The following PEX2 variants were observed in gnomAD, a reference collection of about 807,000 sequenced individuals.
The protein encoded by PEX2 is peroxisomal biogenesis factor 2.
In PEX2, 19 loss-of-function variants were observed where a neutral mutation model predicts 25.2. The ratio of observed to expected loss-of-function variants is 0.75; its 90% CI spans 0.53 to 1.10. The LOEUF (loss-of-function observed/expected upper bound fraction) is 1.10, where lower values mean the gene tolerates loss of function less well. Ranked by LOEUF, PEX2 falls within the 50% of genes least tolerant of loss-of-function variation. The pLI, the probability that PEX2 is intolerant of heterozygous loss-of-function variation, is 0.00. For missense variants in PEX2, 347 were observed against 350.6 expected (o/e 0.99, Z 0.08); for synonymous variants, 141 against 127.7 (o/e 1.10, Z -0.70).
At chr8:76,985,165 C>G (rs1319519705) in intron 3 of PEX2, among the ~76,000 whole-genome samples, 1 of 77,250 alleles carries the variant, frequency 1.3e-5, no homozygotes, top group Non-Finnish European at 2.6e-5. Flanking sequence ...ACTGGCAAAT[C>G]CACCCATGAC....
Position 76,981,822 on chromosome 8 carries a change from A to C in PEX2, c.*1439T>G, listed in dbSNP as rs1563604577. ...TTTTAAAATTACAGAAGGCAAAAGA[A>C]GGCAAATTCTTAAGATGTAAAATAC... On this transcript the variant is annotated 3_prime_UTR_variant, in exon 4 of 4. Transcript: ENST00000357039. 6.6e-6 allele frequency: 1 copy of C among 152,232 alleles called. No homozygotes were observed. Among genetic ancestry groups the C allele is most frequent in the Non-Finnish European group, 1.5e-5 (1 of 68,044 alleles). The allele number at this position is 152,232 out of a possible 1,614,324, so 9.4% of individuals were successfully genotyped here. A position where few individuals can be genotyped will look rare whatever the true frequency, so the allele number is the denominator to read the frequency against.
rs146354196 is a variant in PEX2, at chr8:76,983,910, G to A, written c.269C>T (p.Ser90Phe). ...GGGTGGCTGATATCTCAGGTTAGGGGAAAAATCATTTTTGTACTTAATATT... is the reference window on the plus strand; with the variant it reads ...GGGTGGCTGATATCTCAGGTTAGGGAAAAAATCATTTTTGTACTTAATATT... ...VLNIKYKNDF[S>F]PNLRYQPPSK... is the part of the protein sequence containing the mutation. Residue 90 changes from serine to phenylalanine, a missense_variant, in exon 4 of 4, where the codon TCC (serine) becomes TTC (phenylalanine). By Grantham distance (155) the Ser-to-Phe change is radical. Transcript: ENST00000357039. 1.2e-4 allele frequency: 193 copies of A among 1,614,108 alleles called. 1 individual carries two copies. In the African/African-American group the frequency reaches 2.3e-3, roughly 19 times the overall value.
At chr8:76,996,393 A>G (rs1250161745) in intron 1 of PEX2, among the ~76,000 whole-genome samples, 1 of 152,222 alleles carries the variant, frequency 6.6e-6, no homozygotes, top group East Asian at 1.9e-4. Context: ...CCAGCGTCCT[A>G]TACTGACAAC....
chr8:76,997,372 C>G (rs1309765558), intron 1 of PEX2, among the ~76,000 whole-genome samples: 1 of 152,228 alleles, frequency 6.6e-6, no homozygotes, highest in Non-Finnish European at 1.5e-5. Flanking sequence ...AGTTCAAGAC[C>G]AGTCTGGCCA....
chr8:76,997,800 A>C (rs1043793461), intron 1 of PEX2, among the ~76,000 whole-genome samples: 2 of 152,246 alleles, frequency 1.3e-5, no homozygotes, highest in African/African-American at 2.4e-5. Flanking sequence ...GTTAGGAAGA[A>C]GTCTAATATC....
intron 1 of PEX2, among the ~76,000 whole-genome samples, chr8:76,991,869 AGT>A (rs1807179693): frequency 6.6e-6 from 1 of 152,218 alleles, no homozygotes; most frequent in South Asian, 2.1e-4. Context: ...GCCATAAAGC[AGT>A]ATTATTTATT....
chr8:76,983,581 A>T lies in PEX2; in HGVS notation c.598T>A (p.Phe200Ile). 1 of 1,614,128 alleles carries T rather than the reference A, an allele frequency of 6.2e-7. No individual in the cohort carries two copies. Among genetic ancestry groups the T allele is most frequent in the Non-Finnish European group, 8.5e-7 (1 of 1,180,018 alleles). ...AAGAGAAAAATCAGAAATTCAGCAA[A>T]ACCATGCCAGAGAAGTTCCCTATTC... Reference protein sequence around the residue: ...YMNRELLWHGFAEFLIFLLPL... With the variant: ...YMNRELLWHGIAEFLIFLLPL... Residue 200 changes from phenylalanine (F) to isoleucine (I), a missense_variant, in exon 4 of 4, where the codon TTT becomes ATT. By Grantham distance (21) the Phe-to-Ile change is conservative. Coordinates refer to ENST00000357039, the MANE Select transcript of PEX2 (RefSeq NM_000318.3).
rs751219355 is a variant in PEX2 at position 76,983,427 on chromosome 8, G to A, written c.752C>T (p.Pro251Leu). The change falls in exon 4 of 4, where the codon CCC (proline) becomes CTC (leucine). Residue 251 changes from proline (P) to leucine (L), a missense_variant. By Grantham distance (98) the Pro-to-Leu change is moderately conservative. Transcript: ENST00000357039. ...ACATCCTATGGTGTGAGGCATGGTG[G>A]GCCACTCTCCACATAGAGCGCATTC... is the stretch of plus-strand genomic sequence containing the variant. The part of the protein sequence containing the change: ...GKECALCGEW[P>L]TMPHTIGCEH... 1.5e-5 allele frequency: 25 copies of A among 1,614,056 alleles called. No individual in the cohort carries two copies. The highest frequency in any genetic ancestry group is 2.0e-5 in the Non-Finnish European group (24 of 1,180,014).
chr8:76,995,715 A>C, intron 1 of PEX2, among the ~76,000 whole-genome samples: 1 of 152,222 alleles, frequency 6.6e-6, no homozygotes, highest in East Asian at 1.9e-4. Flanking sequence ...CATGGCACTC[A>C]TATTTTTTTC....
At chr8:76,999,921 A>G (rs1348304317) in intron 1 of PEX2, 69 bp downstream of exon 1, 1 of 456,412 alleles carries the variant, frequency 2.2e-6, no homozygotes, top group Non-Finnish European at 4.4e-6. Context: ...AGGTCGTGAA[A>G]CTCCACGACC....
chr8:76,987,800 T>C (rs1372838844), intron 2 of PEX2: 1 of 152,096 alleles, frequency 6.6e-6, no homozygotes, highest in Non-Finnish European at 1.5e-5. Context: ...ACTTAAGTAA[T>C]TGAGTGATAG....
chr8:76,994,403 A>C (rs1807261458), intron 1 of PEX2, among the ~76,000 whole-genome samples: 1 of 152,188 alleles, frequency 6.6e-6, no homozygotes, highest in Admixed American at 6.5e-5. Context: ...ATCAATAATA[A>C]TGTGGGTATT....
chr8:76,983,229 A>G lies in PEX2; in HGVS notation c.*32T>C, dbSNP rs775359513. 3.1e-6 allele frequency: 5 copies of G among 1,606,176 alleles called. No homozygotes were observed. In the East Asian group the frequency reaches 8.9e-5, roughly 29 times the overall value. On this transcript the variant is annotated 3_prime_UTR_variant, in exon 4 of 4. Transcript: ENST00000357039. ...AATATTAAGAATTTAAACACGGTGC[A>G]TTTTTTTCCTCAAAGGAAGCAATTT...
rs2132045054 is a variant in PEX2 at position 76,984,161 on chromosome 8, C to T, written c.18G>A (p.Glu6=). The part of the protein sequence containing the change: MASRK[E]NAKSANRVLR... ...GCACTCTGTTTGCACTCTTCGCATT[C>T]TCTTTTCTGGAAGCCATGTCTTCTC... The change falls in exon 4 of 4, where the codon GAG becomes GAA. Residue 6 remains glutamate, a synonymous_variant. Coordinates refer to ENST00000357039, the MANE Select transcript of PEX2 (RefSeq NM_000318.3). The T allele has an allele frequency of 6.2e-7, 1 of 1,614,150 alleles. No homozygotes were observed. The highest frequency in any genetic ancestry group is 8.5e-7 in the Non-Finnish European group (1 of 1,180,020).
rs771377186 is a variant in PEX2, at chr8:76,983,984, C to A, written c.195G>T (p.Trp65Cys). ...CATTTTTGGAGTAGATGGTGAATCT[C>A]CACAAGAAAACCCATAAGCACGCTT... ...EVKACLWVFL[W>C]RFTIYSKNAT... The change falls in exon 4 of 4, where the codon TGG becomes TGT. Residue 65 changes from tryptophan to cysteine, a missense_variant. Coordinates refer to ENST00000357039, the MANE Select transcript of PEX2 (RefSeq NM_000318.3). 1 of 1,613,996 alleles carries A rather than the reference C, an allele frequency of 6.2e-7. No individual in the cohort carries two copies. Among genetic ancestry groups the A allele is most frequent in the African/African-American group, 1.3e-5 (1 of 74,908 alleles).
At chr8:77,000,136 A>T (rs545258753), upstream of PEX2, 1 of 286,816 alleles carries the variant, frequency 3.5e-6, no homozygotes, top group Non-Finnish European at 7.0e-6. Flanking sequence ...GAAGTGGCTG[A>T]AAAAAAAAAG....
upstream of PEX2, chr8:77,000,258 G>A (rs141186651): frequency 2.8e-4 from 84 of 304,436 alleles, 1 homozygote; most frequent in African/African-American, 1.8e-3. Context: ...AAAAGCCGAA[G>A]CGGACACCCG....
Position 76,983,081 on chromosome 8 carries a change from A to C in PEX2, c.*180T>G. 7.1e-7 allele frequency: 1 copy of C among 1,411,000 alleles called. No individual in the cohort carries two copies. Among genetic ancestry groups the C allele is most frequent in the Non-Finnish European group, 9.3e-7 (1 of 1,074,298 alleles). 87.4% of individuals were successfully genotyped at this position (1,411,000 alleles called of 1,614,324 possible). A position where few individuals can be genotyped will look rare whatever the true frequency, so the allele number is the denominator to read the frequency against. Reference sequence around the variant, plus strand: ...AAAAACATAATACATTAACATTTACATAATATATTTAGAATCACATGGTTT... The same window carrying C: ...AAAAACATAATACATTAACATTTACCTAATATATTTAGAATCACATGGTTT... On this transcript the variant is annotated 3_prime_UTR_variant, in exon 4 of 4. Transcript: ENST00000357039.
chr8:76,994,259 CA>C (rs1400648312), intron 1 of PEX2, among the ~76,000 whole-genome samples: 1 of 151,922 alleles, frequency 6.6e-6, no homozygotes. Context: ...TATCACATTC[CA>C]AAAACTAAAC....
Sources: gnomAD v4.1 joint callset for allele counts (sites outside exome capture counted in the v4.1 genomes callset) on GRCh38, gnomAD v4.1.1 for gene constraint, MANE v1.5 for transcripts, NCBI Gene and HGNC (gene_info 2026-07-23, HGNC 2026-07-21) for gene names.